CCSER1: variants seen among roughly 807,000 people sequenced by gnomAD.
CCSER1 encodes the protein serine-rich coiled-coil domain-containing protein 1.
In CCSER1, 41 loss-of-function variants were observed where a neutral mutation model predicts 82.0. The ratio of observed to expected loss-of-function variants is 0.50; its 90% CI spans 0.39 to 0.65. CCSER1 has a LOEUF of 0.65. Among genes scored for constraint, CCSER1 ranks in the 30% least tolerant of loss-of-function variants. The pLI is 0.00. For synonymous variants in CCSER1, 414 were observed against 383.9 expected (o/e 1.08, Z -0.92); for missense variants, 1,119 against 1,064.2 (o/e 1.05, Z -0.72).
intron 1 of CCSER1, among the ~76,000 whole-genome samples, chr4:90,156,722 C>G (rs891956505): frequency 6.6e-6 from 1 of 152,034 alleles, no homozygotes; most frequent in Non-Finnish European, 1.5e-5. Context: ...TTTCCATTTG[C>G]TTGGTAGATC....
chr4:91,074,948 C>A (rs1721814345), intron 9 of CCSER1, among the ~76,000 whole-genome samples: 1 of 152,050 alleles, frequency 6.6e-6, no homozygotes, highest in African/African-American at 2.4e-5. Context: ...ATAAATCAAC[C>A]AAATCTAGGG....
chr4:90,549,601 C>T (rs1453079562), intron 5 of CCSER1, among the ~76,000 whole-genome samples: 1 of 152,104 alleles, frequency 6.6e-6, no homozygotes, highest in African/African-American at 2.4e-5. Flanking sequence ...ATATAGAACA[C>T]ATTTGGATAT....
chr4:90,400,162 A>G, intron 4 of CCSER1, 33 bp downstream of exon 4: 1 of 1,200,342 alleles, frequency 8.3e-7, no homozygotes, highest in African/African-American at 1.5e-5. Context: ...ATATCATACA[A>G]CTCCTACCCT....
At chr4:90,662,323 A>G (rs1283269812) in intron 6 of CCSER1, among the ~76,000 whole-genome samples, 1 of 151,982 alleles carries the variant, frequency 6.6e-6, no homozygotes, top group Non-Finnish European at 1.5e-5. Context: ...TTATGGGAAA[A>G]AGTAGCTCAA....
intron 7 of CCSER1, among the ~76,000 whole-genome samples, chr4:90,769,419 A>G (rs1164710330): frequency 6.6e-6 from 1 of 152,142 alleles, no homozygotes; most frequent in Non-Finnish European, 1.5e-5. Flanking sequence ...CTGAATGATG[A>G]CTCAGAGGGC....
Position 90,435,889 on chromosome 4 carries a change from A to G in CCSER1, c.1604-32345A>G, listed in dbSNP as rs545935530. Reference sequence around the variant, plus strand: ...TCTTAGATTTTTTTTTTCAATCTATATATGTTAGATATTAAATTGTTTATG... The same window carrying G: ...TCTTAGATTTTTTTTTTCAATCTATGTATGTTAGATATTAAATTGTTTATG... On this transcript the variant is annotated intron_variant, in intron 4 of 10. Transcript: ENST00000509176. 2.0e-4 allele frequency among the ~76,000 whole-genome samples: 30 copies of G among 152,054 alleles called. No homozygotes were observed. The East Asian group carries it at 3.7e-3, about 19-fold the overall frequency.
chr4:90,622,994 A>G (rs896272989), intron 5 of CCSER1, among the ~76,000 whole-genome samples: 25 of 146,976 alleles, frequency 1.7e-4, no homozygotes, highest in Non-Finnish European at 3.8e-4. Flanking sequence ...CTGATGTTTT[A>G]TAAGGGAAGA....
At chr4:91,523,929 TTG>T (rs1760640418) in intron 10 of CCSER1, among the ~76,000 whole-genome samples, 1 of 152,220 alleles carries the variant, frequency 6.6e-6, no homozygotes, top group Non-Finnish European at 1.5e-5. Flanking sequence ...TTGAATTTGT[TTG>T]TGTTTTCCAT....
intron 1 of CCSER1, among the ~76,000 whole-genome samples, chr4:90,253,363 A>G (rs560373832): frequency 1.3e-5 from 2 of 152,142 alleles, no homozygotes; most frequent in East Asian, 1.9e-4. Context: ...GAATTTTTTT[A>G]GTATTTCTTG....
chr4:90,847,639 G>T (rs1306219166), intron 8 of CCSER1, among the ~76,000 whole-genome samples: 1 of 151,994 alleles, frequency 6.6e-6, no homozygotes, highest in Non-Finnish European at 1.5e-5. Flanking sequence ...TAGGTTGTCA[G>T]ATTTTAAACG....
At chr4:91,051,683 G>T (rs11729261) in intron 9 of CCSER1, among the ~76,000 whole-genome samples, 9,919 of 152,112 alleles carry the variant, frequency 0.065, 949 homozygotes, top group African/African-American at 0.21. Flanking sequence ...AAGGAAGCAG[G>T]CACACAGGCA....
chr4:90,921,869 A>G (rs1728432557), intron 8 of CCSER1, among the ~76,000 whole-genome samples: 1 of 152,058 alleles, frequency 6.6e-6, no homozygotes, highest in South Asian at 2.1e-4. Context: ...ATAACCTTTC[A>G]ATGATGGACA....
At chr4:91,224,057 C>CT (rs5860224) in intron 10 of CCSER1, among the ~76,000 whole-genome samples, 4,167 of 140,562 alleles carry the variant, frequency 0.03, 186 homozygotes, top group African/African-American at 0.096. Flanking sequence ...CTCAAAGTGG[C>CT]TTTTTTTTTT....
intron 10 of CCSER1, among the ~76,000 whole-genome samples, chr4:91,440,513 A>G (rs1437387415): frequency 6.6e-6 from 1 of 152,216 alleles, no homozygotes; most frequent in Admixed American, 6.5e-5. Context: ...CACAAGAGAA[A>G]GCAGGAAATA....
At chr4:91,208,921 T>G (rs1295515778) in intron 10 of CCSER1, among the ~76,000 whole-genome samples, 1 of 151,986 alleles carries the variant, frequency 6.6e-6, no homozygotes, top group African/African-American at 2.4e-5. Context: ...ATTGTAGATA[T>G]TTTTCCCCTT....
chr4:91,071,470 G>C (rs1319016057), intron 9 of CCSER1, among the ~76,000 whole-genome samples: 1 of 152,132 alleles, frequency 6.6e-6, no homozygotes, highest in African/African-American at 2.4e-5. Flanking sequence ...TGAACATCTA[G>C]TCCAAAGGCC....
Position 90,986,432 on chromosome 4 carries a change from C to A in CCSER1, c.2172+62985C>A, listed in dbSNP as rs561278501. Among the ~76,000 whole-genome samples the A allele has an allele frequency of 4.6e-5, 7 of 151,742 alleles. No homozygotes were observed. The South Asian group carries it at 1.5e-3, about 32-fold the overall frequency. Reference sequence around the variant, plus strand: ...CAATTTTATAAATGAATTTAAAACACCTGATTATTTCTGAAACAAAAATTG... The same window carrying A: ...CAATTTTATAAATGAATTTAAAACAACTGATTATTTCTGAAACAAAAATTG... On this transcript the variant is annotated intron_variant, in intron 9 of 10. Transcript: ENST00000509176.
At chr4:91,416,216 G>A (rs1400663426) in intron 10 of CCSER1, among the ~76,000 whole-genome samples, 1 of 151,980 alleles carries the variant, frequency 6.6e-6, no homozygotes, top group Admixed American at 6.6e-5. Context: ...ACATACAAAT[G>A]GAAAAACATT....
intron 6 of CCSER1, among the ~76,000 whole-genome samples, chr4:90,670,995 T>A (rs1732688940): frequency 6.6e-6 from 1 of 152,070 alleles, no homozygotes; most frequent in South Asian, 2.1e-4. Context: ...ATTATGTTTA[T>A]AGTATGCTGC....
Sources: gnomAD v4.1 joint callset for allele counts (sites outside exome capture counted in the v4.1 genomes callset) on GRCh38, gnomAD v4.1.1 for gene constraint, MANE v1.5 for transcripts, NCBI Gene and HGNC (gene_info 2026-07-23, HGNC 2026-07-21) for gene names.